ADCY1: variants seen among roughly 807,000 people sequenced by gnomAD.
ADCY1 encodes adenylate cyclase type 1.
In ADCY1, 28 loss-of-function variants were observed where a neutral mutation model predicts 105.4. The ratio of observed to expected loss-of-function variants is 0.27; its 90% confidence interval spans 0.20 to 0.36. The LOEUF (loss-of-function observed/expected upper bound fraction) is 0.36, where lower values mean the gene tolerates loss of function less well. Among genes scored for constraint, ADCY1 ranks in the 10% least tolerant of loss-of-function variants. The pLI, the probability that ADCY1 is intolerant of heterozygous loss-of-function variation, is 1.00. For missense variants in ADCY1, 977 were observed against 1,434.2 expected (o/e 0.68, Z 5.15); for synonymous variants, 655 against 623.8 (o/e 1.05, Z -0.75).
Position 45,575,219 on chromosome 7 carries a change from C to T in ADCY1, c.639+37C>T. On this transcript the variant is annotated intron_variant, in intron 1 of 19. Transcript: ENST00000297323. This position sits in a 1 kb window ranked among gnomAD's most constrained non-coding sequence, Gnocchi z 4.7. ...CGCGCACCCCTCATCTGGTCTCGGA[C>T]ACACTTGCTGGGACGATGCTGGGAA... 1.9e-6 allele frequency: 3 copies of T among 1,540,682 alleles called. No homozygotes were observed. The highest frequency in any genetic ancestry group is 2.6e-6 in the Non-Finnish European group (3 of 1,147,592).
At chr7:45,690,085 G>C (rs1387331365) in intron 14 of ADCY1, among the ~76,000 whole-genome samples, 1 of 152,228 alleles carries the variant, frequency 6.6e-6, no homozygotes, top group African/African-American at 2.4e-5. Context: ...TGGGAGCCCT[G>C]TGATCCACAG....
At chr7:45,621,565 A>C (rs902096003) in intron 3 of ADCY1, among the ~76,000 whole-genome samples, 5 of 152,206 alleles carry the variant, frequency 3.3e-5, no homozygotes, top group Non-Finnish European at 7.3e-5. Context: ...CCCATTTTAC[A>C]TGGCGGACAT....
chr7:45,707,732 TA>T (rs1785148395), intron 17 of ADCY1, among the ~76,000 whole-genome samples: 1 of 152,214 alleles, frequency 6.6e-6, no homozygotes, highest in African/African-American at 2.4e-5. Flanking sequence ...GGTAAGATGT[TA>T]ACAATAGGCG....
Position 45,714,247 on chromosome 7 carries a change from C to G in ADCY1, c.*252C>G, listed in dbSNP as rs911909945. On this transcript the variant is annotated 3_prime_UTR_variant, in exon 20 of 20. Transcript: ENST00000297323. ...CTTCCAGGCCTCCCTGGAGAGGTGTCCACTCCATCCTTCCCTCCGTGGCGT... is the reference window on the plus strand; with the variant it reads ...CTTCCAGGCCTCCCTGGAGAGGTGTGCACTCCATCCTTCCCTCCGTGGCGT... 3 of 528,392 alleles carry G rather than the reference C, an allele frequency of 5.7e-6. No homozygotes were observed. The highest frequency in any genetic ancestry group is 1.0e-5 in the Non-Finnish European group (3 of 298,196). The allele number at this position is 528,392 out of a possible 1,614,324, so 32.7% of individuals were successfully genotyped here.
intron 3 of ADCY1, among the ~76,000 whole-genome samples, chr7:45,612,154 G>C (rs1213760229): frequency 6.6e-6 from 1 of 152,220 alleles, no homozygotes; most frequent in Admixed American, 6.5e-5. Context: ...TTCTGCAGAG[G>C]AGGATGCTTA....
chr7:45,686,784 C>T lies in ADCY1; in HGVS notation c.2454+111C>T, dbSNP rs533412838. 1.5e-5 allele frequency: 22 copies of T among 1,431,550 alleles called. No homozygotes were observed. Among genetic ancestry groups the T allele is most frequent in the Non-Finnish European group, 1.7e-5 (18 of 1,080,756 alleles). The allele number at this position is 1,431,550 out of a possible 1,614,324, so 88.7% of individuals were successfully genotyped here. Reference sequence around the variant, plus strand: ...AGACACCCACACGCCGTATGGCCCTCGGAGGGCCCTCCTCAGCAGCATGCA... The same window carrying T: ...AGACACCCACACGCCGTATGGCCCTTGGAGGGCCCTCCTCAGCAGCATGCA... On this transcript the variant is annotated intron_variant, in intron 14 of 19. Coordinates refer to ENST00000297323, the MANE Select transcript of ADCY1 (RefSeq NM_021116.4). This position sits in a 1 kb window ranked among gnomAD's most constrained non-coding sequence, Gnocchi z 4.3.
chr7:45,706,331 G>T (rs1785116089), intron 17 of ADCY1, among the ~76,000 whole-genome samples: 1 of 152,022 alleles, frequency 6.6e-6, no homozygotes, highest in Admixed American at 6.6e-5. Context: ...CGTGGTATTG[G>T]CAAAAGAATA....
intron 2 of ADCY1, among the ~76,000 whole-genome samples, chr7:45,603,118 C>G (rs1793284651): frequency 6.6e-6 from 1 of 152,174 alleles, no homozygotes; most frequent in South Asian, 2.1e-4. Context: ...GAGGTGCATC[C>G]AGATCATAGC....
At chr7:45,614,338 T>C (rs144778641) in intron 3 of ADCY1, among the ~76,000 whole-genome samples, 5 of 152,268 alleles carry the variant, frequency 3.3e-5, no homozygotes, top group Admixed American at 6.5e-5. Flanking sequence ...TGGACAGTTA[T>C]AGTTTTTATA....
At chr7:45,690,470 C>A (rs2116222724) in intron 14 of ADCY1, among the ~76,000 whole-genome samples, 1 of 152,332 alleles carries the variant, frequency 6.6e-6, no homozygotes, top group South Asian at 2.1e-4. Flanking sequence ...AGCAACCATG[C>A]AAAGAGGAAC....
chr7:45,607,045 A>G (rs996450387), intron 2 of ADCY1, among the ~76,000 whole-genome samples: 11 of 151,998 alleles, frequency 7.2e-5, no homozygotes, highest in African/African-American at 2.7e-4. Context: ...GAGTCTTATC[A>G]GATGGCAGCT....
rs992762120 is a variant in ADCY1, at chr7:45,716,679, G to T, written c.*2684G>T. On this transcript the variant is annotated 3_prime_UTR_variant, in exon 20 of 20. Coordinates refer to ENST00000297323, the MANE Select transcript of ADCY1 (RefSeq NM_021116.4). ...GTAGACAGAGGAGTGAACCCCAAAG[G>T]TGTCCATGCCCCAGTTCTAAGCCCT... 6.5e-6 allele frequency: 1 copy of T among 152,694 alleles called. No individual in the cohort carries two copies. The highest frequency in any genetic ancestry group is 1.5e-5 in the Non-Finnish European group (1 of 68,424). 9.5% of individuals were successfully genotyped at this position (152,694 alleles called of 1,614,324 possible).
chr7:45,647,980 G>A lies in ADCY1; in HGVS notation c.1021-690G>A, dbSNP rs1051715276. 2.6e-5 allele frequency among the ~76,000 whole-genome samples: 4 copies of A among 152,188 alleles called. No homozygotes were observed. Among genetic ancestry groups the A allele is most frequent in the Admixed American group, 6.5e-5 (1 of 15,278 alleles). Reference sequence around the variant, plus strand: ...TGTCCCTGAAATAAACACAACAGTCGTGATGATAATCCCAGTTGACACTGA... The same window carrying A: ...TGTCCCTGAAATAAACACAACAGTCATGATGATAATCCCAGTTGACACTGA... On this transcript the variant is annotated intron_variant, in intron 4 of 19. Coordinates refer to ENST00000297323, the MANE Select transcript of ADCY1 (RefSeq NM_021116.4). This position sits in a 1 kb window ranked among gnomAD's most constrained non-coding sequence, Gnocchi z 4.6.
At chr7:45,679,651 T>C in intron 10 of ADCY1, 58 bp from the exon 11 acceptor site, 1 of 1,574,912 alleles carries the variant, frequency 6.3e-7, no homozygotes, top group Non-Finnish European at 8.7e-7. Context: ...AGCCATCTCT[T>C]GGGTCCGCCT....
At chr7:45,635,326 T>C (rs1337227224) in intron 4 of ADCY1, among the ~76,000 whole-genome samples, 1 of 151,922 alleles carries the variant, frequency 6.6e-6, no homozygotes, top group Non-Finnish European at 1.5e-5. Flanking sequence ...AAATAACTGC[T>C]TTTCATTTGA....
Position 45,720,932 on chromosome 7 carries a change from G to A in ADCY1, c.*6937G>A, listed in dbSNP as rs1174296345. ...AGTGAAGAATCTGAGGCCCAGAGAG[G>A]TTGGGGACTTGAGTAAAGTCACACA... On this transcript the variant is annotated 3_prime_UTR_variant, in exon 20 of 20. Coordinates refer to ENST00000297323, the MANE Select transcript of ADCY1 (RefSeq NM_021116.4). 1 of 152,270 alleles carries A rather than the reference G, an allele frequency of 6.6e-6. No homozygotes were observed. Among genetic ancestry groups the A allele is most frequent in the Non-Finnish European group, 1.5e-5 (1 of 68,098 alleles). 9.4% of individuals were successfully genotyped at this position (152,270 alleles called of 1,614,324 possible).
At chr7:45,578,048 T>C (rs1792401818) in intron 1 of ADCY1, among the ~76,000 whole-genome samples, 2 of 152,222 alleles carry the variant, frequency 1.3e-5, no homozygotes, top group Non-Finnish European at 2.9e-5. Context: ...GTTCCAGTTC[T>C]GGTGCACAGG....
At chr7:45,628,562 C>T (rs964954839) in intron 4 of ADCY1, among the ~76,000 whole-genome samples, 3 of 152,168 alleles carry the variant, frequency 2.0e-5, no homozygotes, top group Non-Finnish European at 4.4e-5. Context: ...AGGAGGCACC[C>T]CTGCCCTTCC....
chr7:45,616,236 A>G (rs1793734144), intron 3 of ADCY1, among the ~76,000 whole-genome samples: 1 of 152,236 alleles, frequency 6.6e-6, no homozygotes, highest in East Asian at 1.9e-4. Context: ...TTCACTGGTA[A>G]ATTCTACCAA....
Sources: gnomAD v4.1 joint callset for allele counts (sites outside exome capture counted in the v4.1 genomes callset) on GRCh38, gnomAD v4.1.1 for gene constraint, Gnocchi (gnomAD v3.1) non-coding constraint, MANE v1.5 for transcripts, NCBI Gene and HGNC (gene_info 2026-07-23, HGNC 2026-07-21) for gene names.